The following ADSL variants were observed in gnomAD, a reference collection of about 807,000 sequenced individuals.
ADSL encodes the protein adenylosuccinase.
ADSL carries 44 observed loss-of-function variants against 62.1 expected under a neutral mutation model. That is an observed-to-expected ratio of 0.71 (90% CI 0.56 to 0.91). The LOEUF (loss-of-function observed/expected upper bound fraction) is 0.91. Ranked by LOEUF, ADSL falls within the 40% of genes least tolerant of loss-of-function variation. The probability of loss-of-function intolerance (pLI) is 0.00; values close to 1 mark genes in which losing one functional copy is unlikely to be tolerated. For synonymous variants in ADSL, 198 were observed against 220.5 expected (o/e 0.90, Z 0.90); for missense variants, 531 against 627.4 (o/e 0.85, Z 1.64).
intron 12 of ADSL, among the ~76,000 whole-genome samples, chr22:40,365,434 C>T (rs1016643420): frequency 6.6e-6 from 1 of 152,088 alleles, no homozygotes; most frequent in African/African-American, 2.4e-5. Flanking sequence ...TCAGGTGGAT[C>T]TGGGTTAAAT....
rs562577095 is a variant in ADSL, at chr22:40,368,117, G to A, written c.*1595G>A. On this transcript the variant is annotated 3_prime_UTR_variant, in exon 13 of 13. Transcript: ENST00000623063. ...TATCCTATACAGAAGAAAACTCCTC[G>A]GCACTTCAAATATTGCCAGGTGCAG... 3 of 152,260 alleles carry A rather than the reference G, an allele frequency of 2.0e-5. No individual in the cohort carries two copies. The highest frequency in any genetic ancestry group is 6.5e-5 in the Admixed American group (1 of 15,294). 9.4% of individuals were successfully genotyped at this position (152,260 alleles called of 1,614,324 possible).
At chr22:40,358,673 T>C (rs1420075844) in intron 4 of ADSL, among the ~76,000 whole-genome samples, 191 bp from the exon 5 acceptor site, 1 of 152,216 alleles carries the variant, frequency 6.6e-6, no homozygotes, top group African/African-American at 2.4e-5. Flanking sequence ...TATTTGTAAA[T>C]GACATTGAAT....
intron 4 of ADSL, among the ~76,000 whole-genome samples, chr22:40,356,739 A>AG (rs1359482245): frequency 6.6e-6 from 1 of 152,072 alleles, no homozygotes; most frequent in Non-Finnish European, 1.5e-5. Flanking sequence ...GCCACTCAGG[A>AG]GGCTGAGGCA....
Position 40,359,020 on chromosome 22 carries a change from G to T in ADSL, c.639G>T (p.Glu213Asp), listed in dbSNP as rs376751756. 1.6e-5 allele frequency: 26 copies of T among 1,614,138 alleles called. No homozygotes were observed. The highest frequency in any genetic ancestry group is 2.1e-5 in the Non-Finnish European group (25 of 1,180,026). ...AGGCCAGTTTCCTGCAGCTCTTTGA[G>T]GGAGATGACCATAAGGTATTCTGAA... ...GTQASFLQLF[E>D]GDDHKVEQLD... Residue 213 changes from glutamate to aspartate, a missense_variant, in exon 5 of 13, where the codon GAG becomes GAT. Physicochemically the swap from Glu to Asp is conservative, Grantham distance 45. Around this residue, in one of 2 missense-constraint regions of ADSL, gnomAD observed 471 missense variants for 592.9 expected, o/e 0.79. Coordinates refer to ENST00000623063, the MANE Select transcript of ADSL (RefSeq NM_000026.4).
At chr22:40,358,229 T>A (rs945954309) in intron 4 of ADSL, among the ~76,000 whole-genome samples, 2 of 152,330 alleles carry the variant, frequency 1.3e-5, no homozygotes, top group East Asian at 3.9e-4. Flanking sequence ...AATGTATTTC[T>A]TACCAATGTC....
intron 12 of ADSL, 60 bp from the exon 13 acceptor site, chr22:40,366,376 G>T: frequency 8.0e-7 from 1 of 1,243,664 alleles, no homozygotes; most frequent in South Asian, 1.2e-5. Flanking sequence ...CATTGGAAAA[G>T]GTATTATCTG....
rs796052248 is a variant in ADSL at position 40,364,964 on chromosome 22, C to T, written c.1276C>T (p.Arg426Cys). Residue 426 changes from arginine to cysteine, a missense_variant, in exon 12 of 13, where the codon CGT becomes TGT. By Grantham distance (180) the Arg-to-Cys change is radical. Transcript: ENST00000623063. ...QEGGDNDLIE[R>C]IQVDAYFSPI... The stretch of plus-strand genomic sequence containing the variant: ...AGGGGGTGACAATGACCTCATAGAG[C>T]GTATCCAGGTTGATGCCTACTTCAG... The T allele has an allele frequency of 5.0e-6, 8 of 1,613,930 alleles. No homozygotes were observed. Among genetic ancestry groups the T allele is most frequent in the Non-Finnish European group, 6.8e-6 (8 of 1,179,926 alleles).
chr22:40,358,811 G>A, intron 4 of ADSL, 53 bp from the exon 5 acceptor site: 1 of 1,568,626 alleles, frequency 6.4e-7, no homozygotes. Context: ...ATGAAACCTT[G>A]ATGATTTAAG....
At chr22:40,382,360 G>A (rs1343375673) in intron 2 of ADSL, among the ~76,000 whole-genome samples, 5 of 151,998 alleles carry the variant, frequency 3.3e-5, no homozygotes, top group African/African-American at 1.2e-4. Flanking sequence ...GTTTTTCCTG[G>A]GGTATCTCAA....
rs2035069398 is a variant in ADSL at position 40,361,681 on chromosome 22, T to C, written c.1010+46T>C. On this transcript the variant is annotated intron_variant, in intron 9 of 12. Coordinates refer to ENST00000623063, the MANE Select transcript of ADSL (RefSeq NM_000026.4). ...ACATACACCAAGTTGAGTGGAGGTC[T>C]GAAGGAGGGACCTAGAAGTAAAAGG... is the stretch of plus-strand genomic sequence containing the variant. 4.4e-6 allele frequency: 7 copies of C among 1,603,078 alleles called. No homozygotes were observed. In the Admixed American group the frequency reaches 5.0e-5, roughly 11 times the overall value.
At chr22:40,381,013 A>G (rs868396188) in intron 2 of ADSL, among the ~76,000 whole-genome samples, 2 of 152,314 alleles carry the variant, frequency 1.3e-5, no homozygotes, top group Middle Eastern at 6.8e-3. Context: ...ATTGATTCAC[A>G]TAATATAAGC....
intron 11 of ADSL, 188 bp from the exon 12 acceptor site, chr22:40,364,692 G>C: frequency 1.5e-6 from 1 of 673,712 alleles, no homozygotes; most frequent in Non-Finnish European, 2.6e-6. Flanking sequence ...TCCATTTCAG[G>C]CTTGTCCTAA....
intron 12 of ADSL, among the ~76,000 whole-genome samples, chr22:40,366,047 G>T (rs1477149809): frequency 6.6e-6 from 1 of 152,012 alleles, no homozygotes; most frequent in Non-Finnish European, 1.5e-5. Flanking sequence ...CCAAGCAGTA[G>T]ATGATGAGAG....
chr22:40,374,968 G>A (rs553611294), intron 2 of ADSL, among the ~76,000 whole-genome samples: 5 of 152,172 alleles, frequency 3.3e-5, no homozygotes, highest in Admixed American at 6.5e-5. Context: ...CTTATGAACT[G>A]ATTTTGACAG....
rs1317775439 is a variant in ADSL at position 40,385,556 on chromosome 22, A to G, written c.90-4674A>G. Reference sequence around the variant, plus strand: ...TTCTGAGAGGGCGGGCAGAAAGAGCAAACAGGTGAAAAGCCGTTTTGACAC... The same window carrying G: ...TTCTGAGAGGGCGGGCAGAAAGAGCGAACAGGTGAAAAGCCGTTTTGACAC... On this transcript the variant is annotated intron_variant, in intron 2 of 2. Coordinates refer to the ADSL transcript ENST00000498234. Among the ~76,000 whole-genome samples the G allele has an allele frequency of 1.3e-5, 2 of 152,222 alleles. 1 individual carries two copies. The highest frequency in any genetic ancestry group is 4.8e-5 in the African/African-American group (2 of 41,462).
chr22:40,368,145 A>G lies in ADSL; in HGVS notation c.*1623A>G, dbSNP rs932222781. On this transcript the variant is annotated 3_prime_UTR_variant, in exon 13 of 13. Transcript: ENST00000623063. ...ACTTCAAATATTGCCAGGTGCAGGA[A>G]GAGTGACTTGATTGTGTGTTGCCCC... The G allele has an allele frequency of 2.0e-5, 3 of 152,238 alleles. No individual in the cohort carries two copies. The highest frequency in any genetic ancestry group is 4.4e-5 in the Non-Finnish European group (3 of 68,056). The allele number at this position is 152,238 out of a possible 1,614,324, so 9.4% of individuals were successfully genotyped here.
intron 4 of ADSL, among the ~76,000 whole-genome samples, chr22:40,357,155 C>T (rs1411119645): frequency 6.6e-6 from 1 of 151,852 alleles, no homozygotes; most frequent in Non-Finnish European, 1.5e-5. Flanking sequence ...CTCGGCCTCC[C>T]AAAGTGCTGG....
At position 40,368,289 on chromosome 22, in the gene ADSL, C is replaced by T. The variant is rs2045058725; in HGVS notation, c.*1767C>T. On this transcript the variant is annotated 3_prime_UTR_variant, in exon 13 of 13. Coordinates refer to ENST00000623063, the MANE Select transcript of ADSL (RefSeq NM_000026.4). ...GGTCAGGCAGAAGCTGGAAGACTGC[C>T]TCGTTAGGAATGTTGTGAGGGAGAG... 2 of 152,094 alleles carry T rather than the reference C, an allele frequency of 1.3e-5. No homozygotes were observed. The highest frequency in any genetic ancestry group is 4.8e-5 in the African/African-American group (2 of 41,410). The allele number at this position is 152,094 out of a possible 1,614,324, so 9.4% of individuals were successfully genotyped here.
At position 40,367,420 on chromosome 22, in the gene ADSL, A is replaced by C. The variant is rs1049597269; in HGVS notation, c.*898A>C. On this transcript the variant is annotated 3_prime_UTR_variant, in exon 13 of 13. Transcript: ENST00000623063. ...CCAAAGTTCTGGGATTATAGACATG[A>C]GCCACCACACCCAGCCTAATCTTGT... 9 of 166,044 alleles carry C rather than the reference A, an allele frequency of 5.4e-5. No homozygotes were observed. The highest frequency in any genetic ancestry group is 2.2e-4 in the African/African-American group (9 of 41,442). 10.3% of individuals were successfully genotyped at this position (166,044 alleles called of 1,614,324 possible). A position where few individuals can be genotyped will look rare whatever the true frequency, so the allele number is the denominator to read the frequency against.
Sources: allele counts gnomAD v4.1 joint callset (sites outside exome capture counted in the v4.1 genomes callset), GRCh38; gene constraint gnomAD v4.1.1; regional missense constraint gnomAD v4.1.1; transcripts MANE v1.5; gene names NCBI Gene and HGNC (gene_info 2026-07-23, HGNC 2026-07-21).